Variants in CLHC1 observed in about 807,000 individuals in gnomAD.
The protein encoded by CLHC1 is clathrin heavy chain linker domain-containing protein 1.
Under a neutral mutation model 69.5 loss-of-function variants are expected in CLHC1, and 72 were observed. The observed-to-expected ratio is 1.04, with a 90% CI of 0.86 to 1.26. CLHC1 has a LOEUF of 1.26. CLHC1 is among the 50% of genes most tolerant of loss of function. The pLI, the probability that CLHC1 is intolerant of heterozygous loss-of-function variation, is 0.00. For missense variants in CLHC1, 790 were observed against 679.3 expected (o/e 1.16, Z -1.81); for synonymous variants, 223 against 224.3 (o/e 0.99, Z 0.05).
At chr2:55,211,719 C>T (rs1409140743) in intron 5 of CLHC1, among the ~76,000 whole-genome samples, 1 of 151,976 alleles carries the variant, frequency 6.6e-6, no homozygotes, top group East Asian at 1.9e-4. Context: ...GTTTGGAATA[C>T]CATTATCTTT....
At chr2:55,200,278 A>G (rs990954510) in intron 9 of CLHC1, among the ~76,000 whole-genome samples, 3 of 148,928 alleles carry the variant, frequency 2.0e-5, no homozygotes, top group Non-Finnish European at 4.5e-5. Context: ...AAAAGACCCA[A>G]TGATCTGTTG....
intron 7 of CLHC1, 105 bp downstream of exon 7, chr2:55,209,299 G>T: frequency 1.5e-6 from 1 of 673,476 alleles, no homozygotes; most frequent in Non-Finnish European, 2.6e-6. Context: ...GCTGAAGTAT[G>T]ATCTTGCTTT....
rs191402495 is a variant in CLHC1 at position 55,229,271 on chromosome 2, A to C, written c.-255-1067T>G. Among the ~76,000 whole-genome samples the C allele has an allele frequency of 1.2e-4, 18 of 152,156 alleles. No homozygotes were observed. The East Asian group carries it at 3.5e-3, about 29-fold the overall frequency. ...AGGTATGGGGGATAGAGAGTAAGGA[A>C]GGTGGGAGGATACCATTTTCTATAA... On this transcript the variant is annotated intron_variant, in intron 1 of 12. Coordinates refer to ENST00000401408, the MANE Select transcript of CLHC1 (RefSeq NM_152385.4).
At chr2:55,180,013 G>T (rs1231035597) in intron 11 of CLHC1, among the ~76,000 whole-genome samples, 1 of 152,020 alleles carries the variant, frequency 6.6e-6, no homozygotes, top group Non-Finnish European at 1.5e-5. Context: ...AGTTAGCCGG[G>T]CGTAGTGGCG....
chr2:55,221,444 A>T (rs1674105899), intron 3 of CLHC1, among the ~76,000 whole-genome samples: 1 of 152,192 alleles, frequency 6.6e-6, no homozygotes, highest in African/African-American at 2.4e-5. Context: ...TTCCAGTCTA[A>T]TTCCTTGTAA....
chr2:55,196,768 C>CA (rs1671461610), intron 9 of CLHC1, among the ~76,000 whole-genome samples: 1 of 152,144 alleles, frequency 6.6e-6, no homozygotes, highest in Non-Finnish European at 1.5e-5. Context: ...AGCACATTCC[C>CA]AGCTGTAATG....
chr2:55,217,927 C>T lies in CLHC1; in HGVS notation c.249G>A (p.Glu83=). 1.3e-6 allele frequency: 2 copies of T among 1,592,824 alleles called. No individual in the cohort carries two copies. Among genetic ancestry groups the T allele is most frequent in the Non-Finnish European group, 1.7e-6 (2 of 1,166,662 alleles). The part of the protein sequence containing the change: ...SIKKEYDAFI[E]TIKKDRRTTF... ...TAGTTCTTCGGTCTTTCTTTATTGTCTCAATAAAGGCATCATATTCTTTTT... is the reference window on the plus strand; with the variant it reads ...TAGTTCTTCGGTCTTTCTTTATTGTTTCAATAAAGGCATCATATTCTTTTT... Residue 83 remains glutamate, a synonymous_variant, in exon 4 of 13, where the codon GAG becomes GAA. Coordinates refer to ENST00000401408, the MANE Select transcript of CLHC1 (RefSeq NM_152385.4).
chr2:55,232,190 C>T (rs531831818), intron 1 of CLHC1, 33 bp downstream of exon 1: 73 of 161,794 alleles, frequency 4.5e-4, no homozygotes, highest in Non-Finnish European at 8.0e-4. Context: ...CCCGTTCCCA[C>T]GCTCCGGAAA....
intron 8 of CLHC1, among the ~76,000 whole-genome samples, 178 bp from the exon 9 acceptor site, chr2:55,206,554 C>T (rs1354760059): frequency 6.6e-6 from 1 of 152,104 alleles, no homozygotes; most frequent in Admixed American, 6.6e-5. Context: ...TGAAATCCTT[C>T]TCTAGTACTC....
intron 4 of CLHC1, 28 bp from the exon 5 acceptor site, chr2:55,212,834 C>G (rs1268155868): frequency 6.6e-7 from 1 of 1,525,488 alleles, no homozygotes; most frequent in East Asian, 2.3e-5. Flanking sequence ...TTTCTTATGT[C>G]TTTCAACTAA....
At chr2:55,177,350 G>T (rs577673122) in intron 12 of CLHC1, among the ~76,000 whole-genome samples, 1 of 152,180 alleles carries the variant, frequency 6.6e-6, no homozygotes, top group East Asian at 1.9e-4. Flanking sequence ...TAGTGTTAGT[G>T]ATCATAATTA....
chr2:55,224,837 G>A (rs543242828), intron 2 of CLHC1: 2 of 298,664 alleles, frequency 6.7e-6, no homozygotes, highest in African/African-American at 2.3e-5. Flanking sequence ...CCCGGTTCTC[G>A]GACATTGAGT....
chr2:55,188,631 C>G (rs1330835304), intron 9 of CLHC1, among the ~76,000 whole-genome samples: 1 of 151,770 alleles, frequency 6.6e-6, no homozygotes, highest in Non-Finnish European at 1.5e-5. Context: ...ATACATGCAC[C>G]AGGATATATT....
At chr2:55,224,467 GC>G (rs1305566670) in intron 2 of CLHC1, 1 of 392,800 alleles carries the variant, frequency 2.5e-6, no homozygotes, top group Non-Finnish European at 5.3e-6. Context: ...TCCTTAGCTG[GC>G]GCTGCAGTTT....
rs182148385 is a variant in CLHC1 at position 55,190,771 on chromosome 2, C to T, written c.1007-9027G>A. 3.4e-4 allele frequency among the ~76,000 whole-genome samples: 52 copies of T among 152,192 alleles called. No homozygotes were observed. The East Asian group carries it at 4.4e-3, about 13-fold the overall frequency. ...AGGCATATAACTGACATCCCTGAAT[C>T]GGTGAGTGGGGAGAAGGGAGGCTGG... On this transcript the variant is annotated intron_variant, in intron 9 of 12. Transcript: ENST00000401408.
rs764548945 is a variant in CLHC1, at chr2:55,175,954, A to C, written c.1597T>G (p.Phe533Val). The C allele has an allele frequency of 5.0e-6, 8 of 1,614,038 alleles. No homozygotes were observed. The East Asian group carries it at 1.6e-4, about 31-fold the overall frequency. ...TCTTGCCACTTTTCTATGGAGCAAAAGGAATCATTTATCATAAGACTTTCT... is the reference window on the plus strand; with the variant it reads ...TCTTGCCACTTTTCTATGGAGCAAACGGAATCATTTATCATAAGACTTTCT... ...AVESLMINDS[F>V]CSIEKWQEVA... The change falls in exon 13 of 13, where the codon TTT becomes GTT. Residue 533 changes from phenylalanine to valine, a missense_variant. By Grantham distance (50) the Phe-to-Val change is conservative (BLOSUM62 -1). Coordinates refer to ENST00000401408, the MANE Select transcript of CLHC1 (RefSeq NM_152385.4).
rs1250734044 is a variant in CLHC1, at chr2:55,206,388, A to G, written c.900-12T>C. The G allele has an allele frequency of 7.0e-7, 1 of 1,438,706 alleles. No homozygotes were observed. The highest frequency in any genetic ancestry group is 1.7e-5 in the Admixed American group (1 of 59,404). 89.1% of individuals were successfully genotyped at this position (1,438,706 alleles called of 1,614,324 possible). ...TTAACTCATTAAACCTATAGCCATC[A>G]CATTTTAAAATGCATTATAATGACA... On this transcript the variant is annotated splice_polypyrimidine_tract_variant and intron_variant, in intron 8 of 12. Transcript: ENST00000401408.
chr2:55,211,221 G>A (rs1384625102), intron 5 of CLHC1, among the ~76,000 whole-genome samples: 1 of 151,948 alleles, frequency 6.6e-6, no homozygotes, highest in Non-Finnish European at 1.5e-5. Flanking sequence ...GTGAATCTAG[G>A]CCAGGTGCAG....
intron 3 of CLHC1, among the ~76,000 whole-genome samples, chr2:55,221,121 G>A (rs1299193024): frequency 6.6e-6 from 1 of 152,150 alleles, no homozygotes; most frequent in Non-Finnish European, 1.5e-5. Flanking sequence ...AGTGTGTAAT[G>A]TTTAAAAATT....
Sources: gnomAD v4.1 joint callset for allele counts (sites outside exome capture counted in the v4.1 genomes callset) on GRCh38, gnomAD v4.1.1 for gene constraint, MANE v1.5 for transcripts, NCBI Gene and HGNC (gene_info 2026-07-23, HGNC 2026-07-21) for gene names.